RUNDC1: variants seen among roughly 807,000 people sequenced by gnomAD.
RUNDC1 encodes RUN domain-containing protein 1.
In RUNDC1, 31 loss-of-function variants were observed where a neutral mutation model predicts 49.3. The observed-to-expected ratio is 0.63, with a 90% CI of 0.47 to 0.85. RUNDC1 has a LOEUF of 0.85. Among genes scored for constraint, RUNDC1 ranks in the 40% least tolerant of loss-of-function variants. The pLI, the probability that RUNDC1 is intolerant of heterozygous loss-of-function variation, is 0.00. For missense variants in RUNDC1, 715 were observed against 806.7 expected (o/e 0.89, Z 1.38); for synonymous variants, 347 against 348.6 (o/e 1.00, Z 0.05).
chr17:42,990,725 TG>T, intron 4 of RUNDC1, 125 bp from the exon 5 acceptor site: 1 of 1,124,588 alleles, frequency 8.9e-7, no homozygotes, highest in Non-Finnish European at 1.3e-6. Context: ...AGCTACATCC[TG>T]GGTGGCTCTT....
intron 1 of RUNDC1, among the ~76,000 whole-genome samples, chr17:42,982,700 G>A (rs1567729007): frequency 2.0e-5 from 3 of 151,738 alleles, no homozygotes; most frequent in Non-Finnish European, 2.9e-5. Flanking sequence ...CTAGCCCAGC[G>A]CAGTGGCTCA....
In RUNDC1 at chr17:42,991,411, A is replaced by G; in HGVS notation, c.1537A>G (p.Lys513Glu). 1.2e-6 allele frequency: 2 copies of G among 1,614,194 alleles called. No homozygotes were observed. Among genetic ancestry groups the G allele is most frequent in the Non-Finnish European group, 8.5e-7 (1 of 1,180,020 alleles). ...PVTGGTVVTP[K>E]QSLLTAIHMV... Reference sequence around the variant, plus strand: ...TACGGGAGGCACTGTTGTCACCCCCAAACAGAGCCTACTGACAGCCATCCA... The same window carrying G: ...TACGGGAGGCACTGTTGTCACCCCCGAACAGAGCCTACTGACAGCCATCCA... The change falls in exon 5 of 5, where the codon AAA becomes GAA. Residue 513 changes from lysine to glutamate, a missense_variant. Lys to Glu is a moderately conservative substitution (Grantham distance 56). Coordinates refer to ENST00000361677, the MANE Select transcript of RUNDC1 (RefSeq NM_173079.5).
Position 42,989,647 on chromosome 17 carries a change from G to T in RUNDC1, c.856+108G>T, listed in dbSNP as rs1427081899. On this transcript the variant is annotated intron_variant, in intron 3 of 4. Transcript: ENST00000361677. Reference sequence around the variant, plus strand: ...ATTCTGGTTTTTTGTTCTTTTTTGGGCGGTGGGGACAGTGTCTCTCTCTGT... The same window carrying T: ...ATTCTGGTTTTTTGTTCTTTTTTGGTCGGTGGGGACAGTGTCTCTCTCTGT... The T allele has an allele frequency of 2.9e-6, 3 of 1,037,640 alleles. No individual in the cohort carries two copies. The African/African-American group carries it at 4.8e-5, about 16-fold the overall frequency. The allele number at this position is 1,037,640 out of a possible 1,614,324, so 64.3% of individuals were successfully genotyped here. A position where few individuals can be genotyped will look rare whatever the true frequency, so the allele number is the denominator to read the frequency against.
chr17:42,991,089 C>A lies in RUNDC1; in HGVS notation c.1215C>A (p.Val405=). The A allele has an allele frequency of 6.2e-7, 1 of 1,614,186 alleles. No homozygotes were observed. Among genetic ancestry groups the A allele is most frequent in the South Asian group, 1.1e-5 (1 of 91,074 alleles). The change falls in exon 5 of 5, where the codon GTC becomes GTA. Residue 405 remains valine, a synonymous_variant. Coordinates refer to ENST00000361677, the MANE Select transcript of RUNDC1 (RefSeq NM_173079.5). The part of the protein sequence containing the change: ...LALRQQPHDH[V]ITSANLQDLS... Reference sequence around the variant, plus strand: ...TGAGGCAGCAGCCACATGACCATGTCATCACCTCTGCCAACCTCCAGGACC... The same window carrying A: ...TGAGGCAGCAGCCACATGACCATGTAATCACCTCTGCCAACCTCCAGGACC...
chr17:42,992,494 G>T lies in RUNDC1; in HGVS notation c.*778G>T, dbSNP rs1454328376. The T allele has an allele frequency of 1.4e-5, 2 of 146,562 alleles. No individual in the cohort carries two copies. Among genetic ancestry groups the T allele is most frequent in the African/African-American group, 2.5e-5 (1 of 39,650 alleles). 9.1% of individuals were successfully genotyped at this position (146,562 alleles called of 1,614,324 possible). On this transcript the variant is annotated 3_prime_UTR_variant, in exon 5 of 5. Transcript: ENST00000361677. ...TGAGGCCGGAGAATCGCTTGAGCCC[G>T]AGAGGTGGAGACTGCAGTAAGCCAA... is the stretch of plus-strand genomic sequence containing the variant.
chr17:42,990,128 C>G (rs528448107), intron 3 of RUNDC1, among the ~76,000 whole-genome samples, 189 bp from the exon 4 acceptor site: 1 of 152,192 alleles, frequency 6.6e-6, no homozygotes. Flanking sequence ...AATGATGATT[C>G]ATGGTTCATT....
At chr17:42,990,810 T>C (rs1367583442) in intron 4 of RUNDC1, 41 bp from the exon 5 acceptor site, 1 of 1,548,418 alleles carries the variant, frequency 6.5e-7, no homozygotes, top group African/African-American at 1.4e-5. Context: ...CTCTGTGCCA[T>C]CATGGCCTCT....
At position 42,991,242 on chromosome 17, in the gene RUNDC1, T is replaced by G. The variant is rs2050236480; in HGVS notation, c.1368T>G (p.Ile456Met). Reference protein sequence around the residue: ...SPGMSLVMAPIACLLPAFSSA... With the variant: ...SPGMSLVMAPMACLLPAFSSA... ...GGATGAGCCTTGTTATGGCTCCTAT[T>G]GCTTGTTTGCTGCCAGCCTTCTCCT... The change falls in exon 5 of 5, where the codon ATT becomes ATG. Residue 456 changes from isoleucine (I) to methionine (M), a missense_variant. By Grantham distance (10) the Ile-to-Met change is conservative. Around this residue, in one of 5 missense-constraint regions of RUNDC1, gnomAD observed 425 missense variants for 499.7 expected, o/e 0.85. Transcript: ENST00000361677. 3 of 1,614,112 alleles carry G rather than the reference T, an allele frequency of 1.9e-6. No individual in the cohort carries two copies. The highest frequency in any genetic ancestry group is 2.5e-6 in the Non-Finnish European group (3 of 1,180,052).
chr17:42,994,986 A>G lies in RUNDC1; in HGVS notation c.*3270A>G, dbSNP rs888677347. ...TAAGGTGCTCTCCAATCATTCATTC[A>G]CTATTGATCACTTAGCAACTGCCTG... On this transcript the variant is annotated 3_prime_UTR_variant, in exon 5 of 5. Transcript: ENST00000361677. Among the ~76,000 whole-genome samples, 1 of 152,180 alleles carries G rather than the reference A, an allele frequency of 6.6e-6. No homozygotes were observed. The highest frequency in any genetic ancestry group is 1.5e-5 in the Non-Finnish European group (1 of 68,040).
chr17:42,990,400 A>ACAGGCAGCAGCAGAACGCCTC lies in RUNDC1; in HGVS notation c.945_965dup (p.Ser316_Gly322dup). 6.2e-7 allele frequency: 1 copy of ACAGGCAGCAGCAGAACGCCTC among 1,614,054 alleles called. No homozygotes were observed. Among genetic ancestry groups the ACAGGCAGCAGCAGAACGCCTC allele is most frequent in the Non-Finnish European group, 8.5e-7 (1 of 1,180,014 alleles). On this transcript the variant is annotated inframe_insertion, in exon 4 of 5. Coordinates refer to ENST00000361677, the MANE Select transcript of RUNDC1 (RefSeq NM_173079.5). Reference sequence around the variant, plus strand: ...GAAGACAGGAAATGGCTGCAGCAGAACAGGCAGCAGCAGAACGCCTCCAGG... The same window carrying ACAGGCAGCAGCAGAACGCCTC: ...GAAGACAGGAAATGGCTGCAGCAGAACAGGCAGCAGCAGAACGCCTCCAGGCAGCAGCAGAACGCCTCCAGG...
rs1226243068 is a variant in RUNDC1, at chr17:42,993,073, G to A, written c.*1357G>A. On this transcript the variant is annotated 3_prime_UTR_variant, in exon 5 of 5. Transcript: ENST00000361677. The stretch of plus-strand genomic sequence containing the variant: ...CAGGAATACAAATCGGTAACCAGCA[G>A]CTGTTCCTCAGGTTGTGACTCACTG... The A allele has an allele frequency of 6.6e-6, 1 of 152,222 alleles. No homozygotes were observed. The highest frequency in any genetic ancestry group is 2.4e-5 in the African/African-American group (1 of 41,450). 9.4% of individuals were successfully genotyped at this position (152,222 alleles called of 1,614,324 possible). A position where few individuals can be genotyped will look rare whatever the true frequency, so the allele number is the denominator to read the frequency against.
rs1042322051 is a variant in RUNDC1, at chr17:42,993,872, T to C, written c.*2156T>C. On this transcript the variant is annotated 3_prime_UTR_variant, in exon 5 of 5. Transcript: ENST00000361677. ...GCTGCTTTTGGAATGGAGACCTTTT[T>C]TTTTTGAGATGGAGTCTCGCTCTGT... Among the ~76,000 whole-genome samples the C allele has an allele frequency of 6.6e-6, 1 of 152,146 alleles. No homozygotes were observed. Among genetic ancestry groups the C allele is most frequent in the African/African-American group, 2.4e-5 (1 of 41,432 alleles).
At chr17:42,981,272 G>C in intron 1 of RUNDC1, 198 bp downstream of exon 1, 2 of 655,820 alleles carry the variant, frequency 3.0e-6, no homozygotes, top group Non-Finnish European at 5.0e-6. Flanking sequence ...CTGAGGGTGA[G>C]CGGTGTGCAC....
intron 2 of RUNDC1, among the ~76,000 whole-genome samples, chr17:42,989,041 A>G (rs1043033049): frequency 6.6e-6 from 1 of 152,164 alleles, no homozygotes; most frequent in African/African-American, 2.4e-5. Context: ...TTGTTGGATC[A>G]TCAGCCACTT....
chr17:42,987,543 C>T, intron 2 of RUNDC1, 129 bp downstream of exon 2: 2 of 832,340 alleles, frequency 2.4e-6, no homozygotes, highest in Non-Finnish European at 3.7e-6. Context: ...TGGCCCAAAT[C>T]AAAGGGAAAT....
rs543666652 is a variant in RUNDC1 at position 42,994,305 on chromosome 17, C to G, written c.*2589C>G. Among the ~76,000 whole-genome samples, 24 of 152,340 alleles carry G rather than the reference C, an allele frequency of 1.6e-4. 1 individual carries two copies. In the South Asian group the frequency reaches 4.3e-3, roughly 28 times the overall value. ...GTATTAAGGCTTTGTGCTAGCATTA[C>G]AGGAAGCATTTTCATTTGTCTCATT... On this transcript the variant is annotated 3_prime_UTR_variant, in exon 5 of 5. Transcript: ENST00000361677.
chr17:42,987,268 A>G lies in RUNDC1; in HGVS notation c.511A>G (p.Lys171Glu). 6.2e-7 allele frequency: 1 copy of G among 1,614,104 alleles called. No individual in the cohort carries two copies. The change falls in exon 2 of 5, where the codon AAG becomes GAG. Residue 171 changes from lysine (K) to glutamate (E), a missense_variant. This residue lies in a region of RUNDC1 where 113 missense variants were observed against 93.4 expected (regional missense o/e 1.21). Transcript: ENST00000361677. The stretch of plus-strand genomic sequence containing the variant: ...TTTCTTGCCTTAGAGTGAGCAGGAA[A>G]AGCAAGAGCGTCTGGAAACCCAAAG... ...LRGEDQSEQEKQERLETQREK... is the reference protein window; with the variant it reads ...LRGEDQSEQEEQERLETQREK...
Position 42,987,387 on chromosome 17 carries a change from A to G in RUNDC1, c.630A>G (p.Pro210=). 3 of 1,614,170 alleles carry G rather than the reference A, an allele frequency of 1.9e-6. No homozygotes were observed. The highest frequency in any genetic ancestry group is 3.3e-4 in the Middle Eastern group (2 of 6,062). The change falls in exon 2 of 5, where the codon CCA becomes CCG. Residue 210 remains proline, a synonymous_variant. Coordinates refer to ENST00000361677, the MANE Select transcript of RUNDC1 (RefSeq NM_173079.5). ...AAGAGGGCAGTTATGACTCGCTGCC[A>G]CAGTCCGTGGTGTTGGAAAGACAGC... ...AYQEGSYDSL[P]QSVVLERQRV...
Position 42,983,909 on chromosome 17 carries a change from C to T in RUNDC1, c.498+2835C>T, listed in dbSNP as rs905623320. Among the ~76,000 whole-genome samples the T allele has an allele frequency of 1.1e-4, 17 of 151,554 alleles. No homozygotes were observed. The South Asian group carries it at 2.1e-3, about 19-fold the overall frequency. ...CTGGTCTCGAACTCCTGGCCTCGAA[C>T]GCCTGACCTCATAATCTGTCCGACT... On this transcript the variant is annotated intron_variant, in intron 1 of 4. Transcript: ENST00000361677.
Sources: allele counts gnomAD v4.1 joint callset (sites outside exome capture counted in the v4.1 genomes callset), GRCh38; gene constraint gnomAD v4.1.1; regional missense constraint gnomAD v4.1.1; transcripts MANE v1.5; gene names NCBI Gene and HGNC (gene_info 2026-07-23, HGNC 2026-07-21).